DPP10: variants seen among roughly 807,000 people sequenced by gnomAD.
The protein encoded by DPP10 is inactive dipeptidyl peptidase 10.
Under a neutral mutation model 120.9 loss-of-function variants are expected in DPP10, and 33 were observed. That is an observed-to-expected ratio of 0.27 (90% confidence interval 0.21 to 0.37). The LOEUF is 0.37. Among genes scored for constraint, DPP10 ranks in the 10% least tolerant of loss-of-function variants. The pLI is 1.00. For missense variants in DPP10, 816 were observed against 942.8 expected, an observed-to-expected ratio of 0.87 and a Z score of 1.76; for synonymous variants, 337 against 326.1, an observed-to-expected ratio of 1.03 and a Z score of -0.36.
At chr2:114,694,915 T>C (rs1020022194) in intron 1 of DPP10, among the ~76,000 whole-genome samples, 1 of 151,982 alleles carries the variant, frequency 6.6e-6, no homozygotes, top group Non-Finnish European at 1.5e-5. Context: ...GAAGAATCTT[T>C]CTTGTCCAAG....
At chr2:115,780,540 A>C (rs1025909422) in intron 15 of DPP10, among the ~76,000 whole-genome samples, 2 of 151,884 alleles carry the variant, frequency 1.3e-5, no homozygotes, top group Non-Finnish European at 2.9e-5. Flanking sequence ...AAGACTTTAC[A>C]CAGAAATATC....
chr2:115,279,750 C>T (rs2060081786), intron 1 of DPP10, among the ~76,000 whole-genome samples: 1 of 140,218 alleles, frequency 7.1e-6, no homozygotes, highest in African/African-American at 2.7e-5. Flanking sequence ...CAACTTCTGC[C>T]TCCTTGCTTT....
intron 3 of DPP10, among the ~76,000 whole-genome samples, chr2:115,394,001 G>T (rs1249381074): frequency 6.6e-6 from 1 of 152,156 alleles, no homozygotes; most frequent in African/African-American, 2.4e-5. Context: ...GAAGATTGGT[G>T]CCATGAAGTG....
intron 1 of DPP10, among the ~76,000 whole-genome samples, chr2:114,902,956 T>TC (rs1693696712): frequency 6.6e-6 from 1 of 152,196 alleles, no homozygotes; most frequent in Non-Finnish European, 1.5e-5. Context: ...CCACGAGTTA[T>TC]CCCTCCCTCC....
chr2:114,531,226 A>G (rs1685951378), intron 1 of DPP10, among the ~76,000 whole-genome samples: 1 of 152,104 alleles, frequency 6.6e-6, no homozygotes, highest in Non-Finnish European at 1.5e-5. Flanking sequence ...AAGCTGTGAT[A>G]CTTGGGACAG....
At chr2:115,130,283 C>G (rs750982907) in intron 1 of DPP10, among the ~76,000 whole-genome samples, 6 of 152,132 alleles carry the variant, frequency 3.9e-5, no homozygotes, top group Admixed American at 6.6e-5. Flanking sequence ...ACATATTGAG[C>G]ATTTTTTGAA....
chr2:114,717,580 A>G (rs1259273684), intron 1 of DPP10, among the ~76,000 whole-genome samples: 5 of 152,222 alleles, frequency 3.3e-5, no homozygotes, highest in Admixed American at 3.3e-4. Context: ...CTTTAAAAAT[A>G]ATGTATAAGG....
chr2:115,161,903 T>G, intron 1 of DPP10: 1 of 1,414,588 alleles, frequency 7.1e-7, no homozygotes, highest in Non-Finnish European at 9.2e-7. Context: ...CAAGTGACGG[T>G]CCCCGAGTCT....
chr2:114,608,076 T>C (rs758679617), intron 1 of DPP10, among the ~76,000 whole-genome samples: 3 of 152,226 alleles, frequency 2.0e-5, no homozygotes, highest in Non-Finnish European at 4.4e-5. Flanking sequence ...CCTAAAGCCC[T>C]GGTCATTACT....
chr2:114,926,238 T>C (rs1519670), intron 1 of DPP10, among the ~76,000 whole-genome samples: 151,401 of 152,278 alleles, frequency 0.99, 75,271 homozygotes, highest in Non-Finnish European at 1. Flanking sequence ...TAAGGTAACT[T>C]CTTCACTTGG....
intron 11 of DPP10, among the ~76,000 whole-genome samples, chr2:115,762,365 A>G (rs1312206945): frequency 7.1e-6 from 1 of 140,424 alleles, no homozygotes; most frequent in Non-Finnish European, 1.6e-5. Flanking sequence ...TTCACCAAAG[A>G]AAAGACTTTA....
chr2:114,559,891 CAAAAAA>C (rs60833358), intron 1 of DPP10, among the ~76,000 whole-genome samples: 1 of 65,954 alleles, frequency 1.5e-5, no homozygotes, highest in African/African-American at 4.9e-5. Context: ...AGAAAAAAAG[CAAAAAA>C]AAAAAAAAAA....
chr2:115,566,515 G>A (rs959808738), intron 5 of DPP10, among the ~76,000 whole-genome samples: 4 of 151,736 alleles, frequency 2.6e-5, no homozygotes, highest in Admixed American at 1.3e-4. Flanking sequence ...ATTAAGATTC[G>A]TTTTGATGAT....
chr2:115,689,608 G>A, intron 5 of DPP10, 79 bp from the exon 6 acceptor site: 1 of 946,896 alleles, frequency 1.1e-6, no homozygotes, highest in South Asian at 1.8e-5. Flanking sequence ...TGGATTACCT[G>A]GATGTTACTA....
At chr2:115,079,484 T>A (rs950429176) in intron 1 of DPP10, among the ~76,000 whole-genome samples, 1 of 152,178 alleles carries the variant, frequency 6.6e-6, no homozygotes, top group Non-Finnish European at 1.5e-5. Flanking sequence ...CAGAACACTC[T>A]GGGAGGCCCA....
intron 4 of DPP10, among the ~76,000 whole-genome samples, chr2:115,500,969 G>A (rs2076651492): frequency 6.6e-6 from 1 of 152,128 alleles, no homozygotes; most frequent in East Asian, 1.9e-4. Context: ...TAGGATAGGA[G>A]ACAGAATTCC....
intron 19 of DPP10, among the ~76,000 whole-genome samples, chr2:115,793,224 G>A (rs1211781060): frequency 3.3e-5 from 5 of 152,060 alleles, no homozygotes; most frequent in Admixed American, 2.6e-4. Context: ...TTGGAGTCAG[G>A]TAGGACTGGG....
At chr2:115,752,374 G>A (rs1575679184) in intron 10 of DPP10, among the ~76,000 whole-genome samples, 1 of 152,276 alleles carries the variant, frequency 6.6e-6, no homozygotes, top group East Asian at 1.9e-4. Flanking sequence ...CTGTCCAAAT[G>A]TATGTGTTAC....
At chr2:114,886,928 C>T (rs1452139322) in intron 1 of DPP10, among the ~76,000 whole-genome samples, 8 of 152,198 alleles carry the variant, frequency 5.3e-5, no homozygotes, top group East Asian at 1.9e-4. Flanking sequence ...ACTCCACCCC[C>T]TAGTCTGACA....
Sources: allele counts gnomAD v4.1 joint callset (sites outside exome capture counted in the v4.1 genomes callset), GRCh38; gene constraint gnomAD v4.1.1; transcripts MANE v1.5; gene names NCBI Gene and HGNC (gene_info 2026-07-23, HGNC 2026-07-21).